The following PLCH1 variants were observed in gnomAD, a reference collection of about 807,000 sequenced individuals.
PLCH1 encodes the protein 1-phosphatidylinositol 4,5-bisphosphate phosphodiesterase eta-1.
PLCH1 carries 60 observed loss-of-function variants against 126.7 expected under a neutral mutation model. That is an observed-to-expected ratio of 0.47 (90% confidence interval 0.38 to 0.59). The LOEUF is 0.59. Among genes scored for constraint, PLCH1 ranks in the 20% least tolerant of loss-of-function variants. The pLI is 0.00. For synonymous variants in PLCH1, 719 were observed against 734.9 expected (o/e 0.98, Z 0.35); for missense variants, 1,723 against 2,040.0 (o/e 0.84, Z 2.99).
At chr3:155,492,116 G>A (rs1380149241) in intron 18 of PLCH1, among the ~76,000 whole-genome samples, 2 of 152,272 alleles carry the variant, frequency 1.3e-5, no homozygotes, top group African/African-American at 4.8e-5. Flanking sequence ...AGGCGGGAGT[G>A]ACAAAGAACC....
intron 21 of PLCH1, among the ~76,000 whole-genome samples, chr3:155,468,524 G>C (rs766224017): frequency 1.3e-5 from 2 of 152,044 alleles, no homozygotes; most frequent in African/African-American, 4.8e-5. Flanking sequence ...GACACACATA[G>C]ACTGAAAATA....
chr3:155,466,480 A>G (rs1184378237), intron 21 of PLCH1, among the ~76,000 whole-genome samples: 1 of 152,204 alleles, frequency 6.6e-6, no homozygotes, highest in African/African-American at 2.4e-5. Context: ...ACAACACTCA[A>G]ATTCTTTCAA....
chr3:155,705,495 A>G (rs1299958209), intron 1 of PLCH1, among the ~76,000 whole-genome samples: 3 of 152,192 alleles, frequency 2.0e-5, no homozygotes, highest in Non-Finnish European at 4.4e-5. Flanking sequence ...ACAAAATACA[A>G]TAGAATATAG....
chr3:155,549,711 C>T (rs560257528), intron 10 of PLCH1, 76 bp downstream of exon 10: 1 of 1,009,128 alleles, frequency 9.9e-7, no homozygotes, highest in Admixed American at 2.2e-5. Context: ...TCCCTTGAAA[C>T]CCATTTTTAT....
chr3:155,512,274 G>A (rs966810479), intron 12 of PLCH1, among the ~76,000 whole-genome samples: 1 of 152,146 alleles, frequency 6.6e-6, no homozygotes. Context: ...CTCTCCCTGA[G>A]CACCGGCACA....
chr3:155,520,712 A>T (rs1004743005), intron 11 of PLCH1, among the ~76,000 whole-genome samples: 2 of 152,174 alleles, frequency 1.3e-5, no homozygotes, highest in African/African-American at 2.4e-5. Context: ...GTTGAAAGGA[A>T]CTTGTCCTCT....
intron 1 of PLCH1, among the ~76,000 whole-genome samples, chr3:155,714,097 T>C (rs1747339813): frequency 6.6e-6 from 1 of 152,046 alleles, no homozygotes; most frequent in African/African-American, 2.4e-5. Context: ...GAAAAACAGG[T>C]CTCAAAACTA....
At chr3:155,501,552 G>C (rs908085127) in intron 13 of PLCH1, among the ~76,000 whole-genome samples, 26 of 152,222 alleles carry the variant, frequency 1.7e-4, no homozygotes, top group Non-Finnish European at 1.2e-4. Flanking sequence ...CAGCACTTTG[G>C]GGGGCTGAGG....
chr3:155,562,644 C>T (rs1727788973), intron 8 of PLCH1, among the ~76,000 whole-genome samples: 1 of 152,142 alleles, frequency 6.6e-6, no homozygotes, highest in African/African-American at 2.4e-5. Context: ...CCCTGACTTA[C>T]CTTGTCAATT....
chr3:155,558,072 A>G (rs945963493), intron 8 of PLCH1, among the ~76,000 whole-genome samples: 1 of 152,244 alleles, frequency 6.6e-6, no homozygotes, highest in African/African-American at 2.4e-5. Flanking sequence ...TCCTCAAGAC[A>G]CTGTGTACAT....
At chr3:155,631,725 A>G (rs1474807073) in intron 2 of PLCH1, among the ~76,000 whole-genome samples, 1 of 152,218 alleles carries the variant, frequency 6.6e-6, no homozygotes, top group Non-Finnish European at 1.5e-5. Context: ...TGAAAAAGCA[A>G]CAACTAGACC....
At chr3:155,628,322 A>ACTTT (rs1392906426) in intron 2 of PLCH1, among the ~76,000 whole-genome samples, 2 of 145,248 alleles carry the variant, frequency 1.4e-5, no homozygotes, top group Non-Finnish European at 3.0e-5. Flanking sequence ...AGGATGTAAG[A>ACTTT]CTTTCATTCC....
intron 2 of PLCH1, among the ~76,000 whole-genome samples, chr3:155,644,909 G>A (rs1197433509): frequency 6.6e-6 from 1 of 152,148 alleles, no homozygotes; most frequent in Non-Finnish European, 1.5e-5. Flanking sequence ...GTTCCTGTCT[G>A]AATAAAGATG....
chr3:155,690,612 CT>C (rs1342922656), intron 2 of PLCH1, among the ~76,000 whole-genome samples: 3 of 152,192 alleles, frequency 2.0e-5, no homozygotes, highest in African/African-American at 7.2e-5. Flanking sequence ...ATGTTTCCTC[CT>C]TGGGAATCTG....
intron 10 of PLCH1, among the ~76,000 whole-genome samples, chr3:155,548,636 T>A (rs578077800): frequency 1.3e-5 from 2 of 152,320 alleles, no homozygotes; most frequent in South Asian, 2.1e-4. Flanking sequence ...ATTTACAAGG[T>A]TATAAAGATG....
chr3:155,620,691 C>T (rs190514474), intron 2 of PLCH1, among the ~76,000 whole-genome samples: 25 of 152,296 alleles, frequency 1.6e-4, no homozygotes, highest in East Asian at 9.7e-4. Context: ...AAGGCCACTG[C>T]GGCCAGACTG....
intron 19 of PLCH1, 56 bp from the exon 20 acceptor site, chr3:155,488,862 G>T: frequency 6.7e-7 from 1 of 1,496,346 alleles, no homozygotes; most frequent in Non-Finnish European, 9.1e-7. Flanking sequence ...CTGAAAATGA[G>T]TTGGCAGCAA....
intron 5 of PLCH1, among the ~76,000 whole-genome samples, chr3:155,585,023 C>T (rs1203757857): frequency 1.3e-5 from 2 of 152,100 alleles, no homozygotes; most frequent in African/African-American, 2.4e-5. Flanking sequence ...AATTCATTTG[C>T]CCTCCAAAGT....
chr3:155,485,304 C>G (rs1440370979), intron 22 of PLCH1, 52 bp downstream of exon 22: 22 of 1,138,956 alleles, frequency 1.9e-5, no homozygotes, highest in Non-Finnish European at 2.7e-5. Flanking sequence ...TAAACAGGGA[C>G]TGACATGCAG....
Sources: allele counts gnomAD v4.1 joint callset (sites outside exome capture counted in the v4.1 genomes callset), GRCh38; gene constraint gnomAD v4.1.1; transcripts MANE v1.5; gene names NCBI Gene and HGNC (gene_info 2026-07-23, HGNC 2026-07-21).